The following DNM1L variants were observed in gnomAD, a reference collection of about 807,000 sequenced individuals.
DNM1L encodes the protein dynamin-1-like protein.
A neutral mutation model predicts 92.8 loss-of-function variants in DNM1L; 33 were observed. The observed-to-expected ratio is 0.36, with a 90% CI of 0.27 to 0.48. The LOEUF (loss-of-function observed/expected upper bound fraction) is 0.48. DNM1L is among the 20% of genes least tolerant of loss of function. The probability of loss-of-function intolerance (pLI) is 0.99; values close to 1 mark genes in which losing one functional copy is unlikely to be tolerated. For synonymous variants in DNM1L, 284 were observed against 305.0 expected (o/e 0.93, Z 0.72); for missense variants, 485 against 888.8 (o/e 0.55, Z 5.78).
intron 6 of DNM1L, among the ~76,000 whole-genome samples, chr12:32,718,102 T>C (rs1297061426): frequency 7.2e-6 from 1 of 138,336 alleles, no homozygotes; most frequent in Non-Finnish European, 1.5e-5. Flanking sequence ...ATATACTATA[T>C]ATATTTTATA....
At chr12:32,734,690 C>T (rs1425339045) in intron 13 of DNM1L, among the ~76,000 whole-genome samples, 2 of 152,164 alleles carry the variant, frequency 1.3e-5, no homozygotes, top group Admixed American at 6.5e-5. Context: ...TGCCTGTAAT[C>T]TGAGCTACTA....
At chr12:32,712,649 C>CAAAAAAAAAAAAAAAAAAAAAAAAAAA (rs59906286) in intron 5 of DNM1L, among the ~76,000 whole-genome samples, 4 of 29,780 alleles carry the variant, frequency 1.3e-4, no homozygotes, top group Non-Finnish European at 1.9e-4. Flanking sequence ...GACCCTGTCT[C>CAAAAAAAAAAAAAAAAAAAAAAAAAAA]AAAAAAAAAA....
chr12:32,730,624 T>C (rs1954495416), intron 9 of DNM1L, among the ~76,000 whole-genome samples: 2 of 152,142 alleles, frequency 1.3e-5, no homozygotes, highest in African/African-American at 4.8e-5. Context: ...CCTAAAATAC[T>C]ATGTGACCCT....
At chr12:32,741,703 A>G (rs1038936579) in intron 18 of DNM1L, among the ~76,000 whole-genome samples, 3 of 152,128 alleles carry the variant, frequency 2.0e-5, no homozygotes, top group East Asian at 1.9e-4. Context: ...TTATGATACC[A>G]TGTTTTTGCT....
At chr12:32,712,540 T>C (rs981991489) in intron 5 of DNM1L, among the ~76,000 whole-genome samples, 4 of 150,496 alleles carry the variant, frequency 2.7e-5, no homozygotes, top group African/African-American at 9.8e-5. Context: ...GTTCTAGCAC[T>C]TTGGGAGGCT....
At position 32,745,055 on chromosome 12, in the gene DNM1L, C is replaced by G. The variant is rs764294998; in HGVS notation, c.*1645C>G. 2 of 501,652 alleles carry G rather than the reference C, an allele frequency of 4.0e-6. No homozygotes were observed. Among genetic ancestry groups the G allele is most frequent in the Admixed American group, 2.1e-5 (1 of 47,242 alleles). 31.1% of individuals were successfully genotyped at this position (501,652 alleles called of 1,614,324 possible). ...TCAATTTACTAAGGAACAACAGGCT[C>G]ACCAACTGATGTCAAACATAAAAAC... is the stretch of plus-strand genomic sequence containing the variant. On this transcript the variant is annotated 3_prime_UTR_variant, in exon 20 of 20. Transcript: ENST00000549701.
chr12:32,687,228 T>A (rs776310683), intron 1 of DNM1L, among the ~76,000 whole-genome samples: 4 of 152,204 alleles, frequency 2.6e-5, no homozygotes, highest in South Asian at 4.1e-4. Flanking sequence ...GATTTTTTTT[T>A]ATTTTTTAAT....
rs774809285 is a variant in DNM1L, at chr12:32,731,038, T to C, written c.1104T>C (p.Tyr368=). Residue 368 remains tyrosine (Y), a synonymous_variant, in exon 10 of 20, where the codon TAT becomes TAC. Coordinates refer to ENST00000549701, the MANE Select transcript of DNM1L (RefSeq NM_012062.5). This position sits in a 1 kb window ranked among gnomAD's most constrained non-coding sequence, Gnocchi z 5.1. ...SELCGGARIC[Y]IFHETFGRTL... ...GATGCGGTGGTGCTAGAATTTGTTATATTTTCCATGAGACTTTTGGGCGAA... is the reference window on the plus strand; with the variant it reads ...GATGCGGTGGTGCTAGAATTTGTTACATTTTCCATGAGACTTTTGGGCGAA... 1.2e-6 allele frequency: 2 copies of C among 1,613,918 alleles called. No individual in the cohort carries two copies. The highest frequency in any genetic ancestry group is 1.7e-5 in the Admixed American group (1 of 60,002).
At chr12:32,722,290 C>A in intron 8 of DNM1L, 137 bp from the exon 9 acceptor site, 2 of 752,408 alleles carry the variant, frequency 2.7e-6, no homozygotes, top group South Asian at 1.6e-5. Context: ...AGACAAAGAC[C>A]AAATATATAT....
chr12:32,743,130 C>T (rs952067833), intron 19 of DNM1L, among the ~76,000 whole-genome samples: 2 of 151,632 alleles, frequency 1.3e-5, no homozygotes, highest in African/African-American at 2.4e-5. Flanking sequence ...CTCCTGACCT[C>T]ATGATCCGCC....
intron 2 of DNM1L, among the ~76,000 whole-genome samples, chr12:32,703,135 T>A (rs1952781796): frequency 6.6e-6 from 1 of 151,986 alleles, no homozygotes; most frequent in East Asian, 1.9e-4. Flanking sequence ...AGAAACTATT[T>A]GAATTGTGGG....
chr12:32,716,390 A>G (rs911929198), intron 6 of DNM1L, among the ~76,000 whole-genome samples: 17 of 152,102 alleles, frequency 1.1e-4, no homozygotes, highest in African/African-American at 3.9e-4. Context: ...GGTGGAGTGC[A>G]GTGGTGCAAT....
intron 18 of DNM1L, 85 bp from the exon 19 acceptor site, chr12:32,742,498 CTTAACT>C (rs1955378756): frequency 3.3e-6 from 5 of 1,493,066 alleles, no homozygotes; most frequent in Admixed American, 1.7e-5. Context: ...AGTGTTCTTA[CTTAACT>C]TTATTTCATG....
intron 6 of DNM1L, among the ~76,000 whole-genome samples, chr12:32,718,089 T>C (rs956250657): frequency 7.3e-6 from 1 of 137,142 alleles, no homozygotes; most frequent in South Asian, 2.1e-4. Context: ...ACATATTTTA[T>C]ATATATACTA....
At chr12:32,740,315 C>A in intron 17 of DNM1L, 75 bp downstream of exon 17, 1 of 1,611,512 alleles carries the variant, frequency 6.2e-7, no homozygotes, top group Non-Finnish European at 8.5e-7. Context: ...ACAGAAAGAA[C>A]TAAAAGTCTC....
chr12:32,722,745 A>G, intron 9 of DNM1L, 112 bp downstream of exon 9: 1 of 815,666 alleles, frequency 1.2e-6, no homozygotes, highest in Non-Finnish European at 2.0e-6. Context: ...TTTCTATAAA[A>G]CAAAAATATA....
At chr12:32,717,226 ATAT>A (rs1953439452) in intron 6 of DNM1L, among the ~76,000 whole-genome samples, 2 of 111,284 alleles carry the variant, frequency 1.8e-5, no homozygotes, top group East Asian at 2.3e-4. Context: ...TATATAGTAT[ATAT>A]TATATATATT....
At chr12:32,684,627 C>A (rs1398764414) in intron 1 of DNM1L, among the ~76,000 whole-genome samples, 1 of 152,206 alleles carries the variant, frequency 6.6e-6, no homozygotes, top group African/African-American at 2.4e-5. Context: ...CTACCGCACC[C>A]AGCTAATTTT....
At chr12:32,685,988 G>A (rs1951995377) in intron 1 of DNM1L, among the ~76,000 whole-genome samples, 1 of 147,264 alleles carries the variant, frequency 6.8e-6, no homozygotes, top group African/African-American at 2.5e-5. Flanking sequence ...ATTATGAGCT[G>A]CTGCTTTTTT....
Sources: allele counts gnomAD v4.1 joint callset (sites outside exome capture counted in the v4.1 genomes callset), GRCh38; gene constraint gnomAD v4.1.1; non-coding constraint Gnocchi (gnomAD v3.1); transcripts MANE v1.5; gene names NCBI Gene and HGNC (gene_info 2026-07-23, HGNC 2026-07-21).